The following OXCT1 variants were observed in gnomAD, a reference collection of about 807,000 sequenced individuals.
The protein encoded by OXCT1 is 3-oxoacid CoA-transferase 1, also known as succinyl-CoA:3-ketoacid coenzyme A transferase 1, mitochondrial.
A neutral mutation model predicts 69.6 loss-of-function variants in OXCT1; 27 were observed. The ratio of observed to expected loss-of-function variants is 0.39; its 90% confidence interval spans 0.29 to 0.54. The LOEUF is 0.54. Among genes scored for constraint, OXCT1 ranks in the 20% least tolerant of loss-of-function variants. OXCT1 has a pLI of 0.72. For missense variants in OXCT1, 437 were observed against 650.2 expected (o/e 0.67, Z 3.57); for synonymous variants, 202 against 217.8 (o/e 0.93, Z 0.64).
At position 41,800,234 on chromosome 5, in the gene OXCT1, C is replaced by G. The variant is rs188584094; in HGVS notation, c.1099+788G>C. Among the ~76,000 whole-genome samples the G allele has an allele frequency of 4.6e-3, 693 of 152,152 alleles. 1 individual carries two copies. The highest frequency in any genetic ancestry group is 7.2e-3 in the Non-Finnish European group (492 of 67,982). The stretch of plus-strand genomic sequence containing the variant: ...TAAGAACAAAGGAGAAGACAAGGCT[C>G]TAGTCCCCAGTTCAACAAAACTATA... On this transcript the variant is annotated intron_variant, in intron 11 of 16. Transcript: ENST00000196371.
At chr5:41,861,272 G>T in intron 3 of OXCT1, 42 bp downstream of exon 3, 1 of 1,176,512 alleles carries the variant, frequency 8.5e-7, no homozygotes, top group Non-Finnish European at 1.3e-6. Context: ...ATTAAGAATT[G>T]GCATTTCTCT....
chr5:41,845,294 C>A (rs1013932989), intron 5 of OXCT1, among the ~76,000 whole-genome samples: 6 of 152,194 alleles, frequency 3.9e-5, no homozygotes, highest in Admixed American at 6.5e-5. Context: ...AGTGTCACCT[C>A]CCCAAAGAAG....
intron 14 of OXCT1, among the ~76,000 whole-genome samples, chr5:41,758,998 G>C (rs1464360821): frequency 6.7e-6 from 1 of 150,088 alleles, no homozygotes; most frequent in Non-Finnish European, 1.5e-5. Context: ...ATAGGTATTA[G>C]AAGATATAAT....
At chr5:41,759,113 A>G (rs1472073694) in intron 14 of OXCT1, among the ~76,000 whole-genome samples, 1 of 151,054 alleles carries the variant, frequency 6.6e-6, no homozygotes, top group Non-Finnish European at 1.5e-5. Flanking sequence ...AAAAACCTGA[A>G]GCTTCCTGAA....
In OXCT1 at chr5:41,870,110, C is replaced by G; in HGVS notation, c.78+171G>C. On this transcript the variant is annotated intron_variant, in intron 1 of 16. Coordinates refer to ENST00000196371, the MANE Select transcript of OXCT1 (RefSeq NM_000436.4). The surrounding 1 kb of genome is among the most constrained non-coding windows in gnomAD (Gnocchi z 4.2). Reference sequence around the variant, plus strand: ...AAGCAAAGGCGGTCATCCGAGGGGCCGGCGAGGCCAGGAACGCGTCGCCGC... The same window carrying G: ...AAGCAAAGGCGGTCATCCGAGGGGCGGGCGAGGCCAGGAACGCGTCGCCGC... 1 of 681,618 alleles carries G rather than the reference C, an allele frequency of 1.5e-6. No individual in the cohort carries two copies. Among genetic ancestry groups the G allele is most frequent in the East Asian group, 2.7e-5 (1 of 36,504 alleles). The allele number at this position is 681,618 out of a possible 1,614,324, so 42.2% of individuals were successfully genotyped here.
intron 7 of OXCT1, among the ~76,000 whole-genome samples, chr5:41,826,648 A>C (rs1747820212): frequency 6.6e-6 from 1 of 152,156 alleles, no homozygotes; most frequent in South Asian, 2.1e-4. Flanking sequence ...AAAAAATGAA[A>C]AGAAAAAAGA....
At chr5:41,734,779 A>G (rs1455088951) in intron 16 of OXCT1, among the ~76,000 whole-genome samples, 1 of 152,238 alleles carries the variant, frequency 6.6e-6, no homozygotes, top group Admixed American at 6.5e-5. Context: ...GAAAACAGTG[A>G]AAAAGCAACC....
intron 7 of OXCT1, among the ~76,000 whole-genome samples, chr5:41,829,568 A>G (rs916243288): frequency 1.8e-4 from 28 of 152,174 alleles, no homozygotes; most frequent in Non-Finnish European, 1.0e-4. Flanking sequence ...CATTGTTACC[A>G]AGCAACAAGA....
chr5:41,810,287 C>T lies in OXCT1; in HGVS notation c.733-2849G>A, dbSNP rs533897127. Among the ~76,000 whole-genome samples, 19 of 151,998 alleles carry T rather than the reference C, an allele frequency of 1.3e-4. No homozygotes were observed. In the South Asian group the frequency reaches 1.9e-3, roughly 15 times the overall value. On this transcript the variant is annotated intron_variant, in intron 7 of 16. Coordinates refer to ENST00000196371, the MANE Select transcript of OXCT1 (RefSeq NM_000436.4). ...GATGACTAAAATGAGCTGGTTAGGA[C>T]AAACATAAAAATAAAAGATCCCTTA...
At chr5:41,737,170 A>G (rs1054292211) in intron 16 of OXCT1, among the ~76,000 whole-genome samples, 2 of 152,202 alleles carry the variant, frequency 1.3e-5, no homozygotes, top group African/African-American at 2.4e-5. Flanking sequence ...CATTGATACC[A>G]TACCTTTTCA....
chr5:41,803,797 G>A (rs1014210488), intron 9 of OXCT1, among the ~76,000 whole-genome samples: 1 of 152,046 alleles, frequency 6.6e-6, no homozygotes, highest in Admixed American at 6.6e-5. Flanking sequence ...AGAGTTAAAT[G>A]AGGTTGTTGA....
chr5:41,778,228 T>C (rs1199523485), intron 13 of OXCT1, among the ~76,000 whole-genome samples: 1 of 152,224 alleles, frequency 6.6e-6, no homozygotes, highest in Non-Finnish European at 1.5e-5. Context: ...GAATATCTTA[T>C]TATCTAAAAA....
rs756336491 is a variant in OXCT1 at position 41,870,071 on chromosome 5, G to A, written c.78+210C>T. The A allele has an allele frequency of 1.7e-5, 10 of 601,164 alleles. No individual in the cohort carries two copies. Among genetic ancestry groups the A allele is most frequent in the East Asian group, 2.9e-5 (1 of 34,754 alleles). The allele number at this position is 601,164 out of a possible 1,614,324, so 37.2% of individuals were successfully genotyped here. On this transcript the variant is annotated intron_variant, in intron 1 of 16. Coordinates refer to ENST00000196371, the MANE Select transcript of OXCT1 (RefSeq NM_000436.4). This position sits in a 1 kb window ranked among gnomAD's most constrained non-coding sequence, Gnocchi z 4.2. ...TATCGCGTCTCGCTCCATCAGGGAA[G>A]CGACTGCAGAACCAAGCAAAGGCGG...
At chr5:41,833,429 G>A (rs1414866464) in intron 7 of OXCT1, among the ~76,000 whole-genome samples, 1 of 150,456 alleles carries the variant, frequency 6.6e-6, no homozygotes, top group African/African-American at 2.4e-5. Context: ...AAGCATGGAG[G>A]AGAAATAAAG....
Position 41,755,415 on chromosome 5 carries a change from G to A in OXCT1, c.1339-5808C>T, listed in dbSNP as rs1744015928. Among the ~76,000 whole-genome samples the A allele has an allele frequency of 3.3e-5, 5 of 152,012 alleles. No individual in the cohort carries two copies. In the South Asian group the frequency reaches 1.0e-3, roughly 32 times the overall value. The stretch of plus-strand genomic sequence containing the variant: ...CTGGCTACTGTATATTCTAATTGAA[G>A]CTAGGAAAGAATTATACGCTTTTAT... On this transcript the variant is annotated intron_variant, in intron 14 of 16. Coordinates refer to ENST00000196371, the MANE Select transcript of OXCT1 (RefSeq NM_000436.4).
At chr5:41,848,387 C>T (rs1003258768) in intron 5 of OXCT1, among the ~76,000 whole-genome samples, 17 of 148,364 alleles carry the variant, frequency 1.1e-4, no homozygotes, top group African/African-American at 3.7e-4. Context: ...AATGCCATCC[C>T]CATCAAGCTA....
intron 15 of OXCT1, among the ~76,000 whole-genome samples, chr5:41,741,452 A>G (rs1048394131): frequency 6.6e-6 from 1 of 152,206 alleles, no homozygotes; most frequent in African/African-American, 2.4e-5. Context: ...GACATATATA[A>G]TAAAAATGTA....
chr5:41,855,005 T>C (rs139002203), intron 3 of OXCT1, among the ~76,000 whole-genome samples: 1 of 152,318 alleles, frequency 6.6e-6, no homozygotes, highest in East Asian at 1.9e-4. Flanking sequence ...CTGTTCATTA[T>C]GGCCAAAATT....
chr5:41,759,341 G>A (rs1744235791), intron 14 of OXCT1, among the ~76,000 whole-genome samples: 1 of 152,110 alleles, frequency 6.6e-6, no homozygotes. Flanking sequence ...TAAGGACTCA[G>A]ATTGTTACTC....
Sources: gnomAD v4.1 joint callset for allele counts (sites outside exome capture counted in the v4.1 genomes callset) on GRCh38, gnomAD v4.1.1 for gene constraint, Gnocchi (gnomAD v3.1) non-coding constraint, MANE v1.5 for transcripts, NCBI Gene and HGNC (gene_info 2026-07-23, HGNC 2026-07-21) for gene names.